The following DCDC1 variants were observed in gnomAD, a reference collection of about 807,000 sequenced individuals.
DCDC1 encodes doublecortin domain-containing protein 1.
A neutral mutation model predicts 178.3 loss-of-function variants in DCDC1; 200 were observed. That is an observed-to-expected ratio of 1.12 (90% CI 1.00 to 1.26). The LOEUF is 1.26. Among genes scored for constraint, DCDC1 ranks in the 50% most tolerant of loss-of-function variants. The pLI is 0.00. For synonymous variants in DCDC1, 690 were observed against 604.8 expected, an observed-to-expected ratio of 1.14 and a Z score of -2.07; for missense variants, 1,983 against 1,749.2, an observed-to-expected ratio of 1.13 and a Z score of -2.38.
chr11:31,107,314 A>T, intron 12 of DCDC1, among the ~76,000 whole-genome samples: 1 of 152,156 alleles, frequency 6.6e-6, no homozygotes, highest in East Asian at 1.9e-4. Flanking sequence ...TGTCTGAGCT[A>T]CACATTTTGT....
intron 6 of DCDC1, among the ~76,000 whole-genome samples, chr11:31,293,167 C>T (rs541007403): frequency 1.2e-4 from 18 of 152,130 alleles, no homozygotes; most frequent in Non-Finnish European, 2.4e-4. Flanking sequence ...CCTCACCTCC[C>T]TGAAGTTCTA....
intron 20 of DCDC1, among the ~76,000 whole-genome samples, chr11:30,979,554 A>G (rs1019194531): frequency 3.3e-5 from 5 of 152,304 alleles, no homozygotes; most frequent in African/African-American, 9.6e-5. Flanking sequence ...ACCAGCCTTC[A>G]GGTCTAGATG....
At chr11:30,941,658 C>T (rs1040909600) in intron 21 of DCDC1, among the ~76,000 whole-genome samples, 1 of 151,930 alleles carries the variant, frequency 6.6e-6, no homozygotes, top group Non-Finnish European at 1.5e-5. Flanking sequence ...TTTTTAAAAG[C>T]TAGGACAACA....
intron 20 of DCDC1, among the ~76,000 whole-genome samples, chr11:31,050,410 C>T (rs1374915768): frequency 6.6e-6 from 1 of 152,166 alleles, no homozygotes; most frequent in Non-Finnish European, 1.5e-5. Flanking sequence ...GATGGTCCTT[C>T]CCTATCAACC....
intron 20 of DCDC1, among the ~76,000 whole-genome samples, chr11:30,984,597 G>T (rs1271631935): frequency 6.6e-6 from 1 of 152,118 alleles, no homozygotes; most frequent in Non-Finnish European, 1.5e-5. Flanking sequence ...TCATAACCTG[G>T]ACATTTCATA....
At chr11:30,967,650 G>T (rs1565133891) in intron 20 of DCDC1, among the ~76,000 whole-genome samples, 1 of 152,170 alleles carries the variant, frequency 6.6e-6, no homozygotes, top group Admixed American at 6.5e-5. Flanking sequence ...GAAATTGTGG[G>T]ACAGTCTTCA....
intron 9 of DCDC1, among the ~76,000 whole-genome samples, chr11:31,165,054 T>A (rs1267494885): frequency 4.6e-5 from 7 of 152,190 alleles, no homozygotes; most frequent in Admixed American, 1.3e-4. Flanking sequence ...GTTTGTAGCC[T>A]AGGAGCAAAT....
At chr11:31,297,428 C>T (rs1197396864) in intron 6 of DCDC1, among the ~76,000 whole-genome samples, 2 of 151,860 alleles carry the variant, frequency 1.3e-5, no homozygotes, top group East Asian at 1.9e-4. Context: ...GGCATGATCT[C>T]GACTCACTGC....
At chr11:30,937,426 G>C (rs1947345503) in intron 21 of DCDC1, among the ~76,000 whole-genome samples, 1 of 152,066 alleles carries the variant, frequency 6.6e-6, no homozygotes, top group Non-Finnish European at 1.5e-5. Flanking sequence ...TCATGAGGGG[G>C]ATCACCTTTT....
At chr11:31,227,623 C>G (rs2136735814) in intron 9 of DCDC1, among the ~76,000 whole-genome samples, 1 of 151,902 alleles carries the variant, frequency 6.6e-6, no homozygotes, top group East Asian at 1.9e-4. Flanking sequence ...ACAAATAAAA[C>G]ACAAATGACA....
In DCDC1 at chr11:30,892,801, T is replaced by A. The variant is rs767877253; in HGVS notation, c.5082+17A>T. The A allele has an allele frequency of 6.2e-7, 1 of 1,613,606 alleles. No individual in the cohort carries two copies. The highest frequency in any genetic ancestry group is 1.3e-5 in the African/African-American group (1 of 74,928). On this transcript the variant is annotated intron_variant, in intron 36 of 38. Transcript: ENST00000684477. ...CAAACTCAGGCCTATGAAACACTCCTTTCACACTAGATTTACCTCTGAAAT... is the reference window on the plus strand; with the variant it reads ...CAAACTCAGGCCTATGAAACACTCCATTCACACTAGATTTACCTCTGAAAT...
At chr11:31,219,569 A>G (rs1483814862) in intron 9 of DCDC1, among the ~76,000 whole-genome samples, 1 of 152,218 alleles carries the variant, frequency 6.6e-6, no homozygotes, top group Admixed American at 6.6e-5. Context: ...CCAAAGAGTT[A>G]AATTTAGTCA....
At chr11:31,072,225 C>T (rs772329792) in intron 18 of DCDC1, among the ~76,000 whole-genome samples, 7 of 151,912 alleles carry the variant, frequency 4.6e-5, no homozygotes, top group Non-Finnish European at 7.4e-5. Context: ...TTTAGTTTGG[C>T]TCTTGTAATT....
intron 9 of DCDC1, among the ~76,000 whole-genome samples, chr11:31,153,710 G>A (rs1422534958): frequency 6.6e-6 from 1 of 151,566 alleles, no homozygotes; most frequent in Non-Finnish European, 1.5e-5. Context: ...TTGAACCCAG[G>A]ATGCAGAGGT....
At chr11:31,004,453 C>T (rs996253654) in intron 20 of DCDC1, among the ~76,000 whole-genome samples, 2 of 149,860 alleles carry the variant, frequency 1.3e-5, no homozygotes, top group East Asian at 3.9e-4. Flanking sequence ...GTGGGAGGAT[C>T]ATGAGGTCAG....
intron 1 of DCDC1, among the ~76,000 whole-genome samples, chr11:31,356,735 T>C (rs1330963266): frequency 6.7e-6 from 1 of 149,884 alleles, no homozygotes; most frequent in African/African-American, 2.5e-5. Context: ...ATAGACGCAA[T>C]AAAAAATGAT....
chr11:31,079,632 G>A (rs914435362), intron 17 of DCDC1, among the ~76,000 whole-genome samples: 2 of 151,954 alleles, frequency 1.3e-5, no homozygotes, highest in Non-Finnish European at 2.9e-5. Context: ...GATAGTGGCA[G>A]AACTAAATTG....
intron 8 of DCDC1, among the ~76,000 whole-genome samples, chr11:31,244,176 A>G (rs1977540940): frequency 6.6e-6 from 1 of 151,856 alleles, no homozygotes; most frequent in African/African-American, 2.4e-5. Context: ...AGAACTGTCC[A>G]TTTAAAAAGG....
chr11:31,356,682 A>C (rs1313723981), intron 1 of DCDC1, among the ~76,000 whole-genome samples: 2 of 151,052 alleles, frequency 1.3e-5, no homozygotes, highest in Non-Finnish European at 3.0e-5. Context: ...AAATTGATAG[A>C]CCGCTAGCAA....
Sources: allele counts gnomAD v4.1 joint callset (sites outside exome capture counted in the v4.1 genomes callset), GRCh38; gene constraint gnomAD v4.1.1; transcripts MANE v1.5; gene names NCBI Gene and HGNC (gene_info 2026-07-23, HGNC 2026-07-21).